Variants in SIPA1L1 observed in about 807,000 individuals in gnomAD.
SIPA1L1 encodes the protein signal induced proliferation associated 1 like 1, also known as signal-induced proliferation-associated 1-like protein 1.
In SIPA1L1, 26 loss-of-function variants were observed where a neutral mutation model predicts 162.7. The observed-to-expected ratio is 0.16, with a 90% CI of 0.12 to 0.22. SIPA1L1 has a LOEUF of 0.22. Among genes scored for constraint, SIPA1L1 ranks in the 10% least tolerant of loss-of-function variants. The pLI is 1.00. For missense variants in SIPA1L1, 1,874 were observed against 2,241.0 expected, an observed-to-expected ratio of 0.84 and a Z score of 3.31; for synonymous variants, 829 against 837.4, an observed-to-expected ratio of 0.99 and a Z score of 0.17.
Position 71,588,435 on chromosome 14 carries a change from T to G in SIPA1L1, c.563T>G (p.Phe188Cys), listed in dbSNP as rs778831668. 1 of 1,614,130 alleles carries G rather than the reference T, an allele frequency of 6.2e-7. No homozygotes were observed. Among genetic ancestry groups the G allele is most frequent in the East Asian group, 2.2e-5 (1 of 44,878 alleles). ...ITISELDVDS[F>C]DECISPTYKT... ...ATAAGTGAACTTGATGTGGATAGCT[T>G]TGATGAATGTATCTCACCTACATAC... Residue 188 changes from phenylalanine (F) to cysteine (C), a missense_variant, in exon 5 of 24, where the codon TTT (phenylalanine) becomes TGT (cysteine). Phe to Cys is a radical substitution (Grantham distance 205, BLOSUM62 -2). This residue lies in a region of SIPA1L1 where 685 missense variants were observed against 828.0 expected (regional missense o/e 0.83). Coordinates refer to ENST00000381232, the MANE Select transcript of SIPA1L1 (RefSeq NM_001386936.1). This position sits in a 1 kb window ranked among gnomAD's most constrained non-coding sequence, Gnocchi z 4.3.
chr14:71,410,910 C>T (rs957219513), intron 2 of SIPA1L1, among the ~76,000 whole-genome samples: 1 of 152,136 alleles, frequency 6.6e-6, no homozygotes, highest in Non-Finnish European at 1.5e-5. Context: ...TTCCTTCCCC[C>T]CTCCCTCCAT....
intron 17 of SIPA1L1, among the ~76,000 whole-genome samples, chr14:71,718,171 C>T (rs2083412857): frequency 6.6e-6 from 1 of 152,122 alleles, no homozygotes; most frequent in Non-Finnish European, 1.5e-5. Context: ...GATTGGGACA[C>T]AAGAAAGTAT....
chr14:71,469,992 G>A (rs1337449799), intron 2 of SIPA1L1, among the ~76,000 whole-genome samples: 4 of 152,154 alleles, frequency 2.6e-5, no homozygotes, highest in Non-Finnish European at 5.9e-5. Flanking sequence ...GCATTAGTTC[G>A]GGTTGGGGCT....
At chr14:71,683,612 C>A (rs915518393) in intron 12 of SIPA1L1, among the ~76,000 whole-genome samples, 1 of 152,044 alleles carries the variant, frequency 6.6e-6, no homozygotes, top group African/African-American at 2.4e-5. Flanking sequence ...CCTCTATGAA[C>A]AACCAAAAAA....
intron 2 of SIPA1L1, among the ~76,000 whole-genome samples, chr14:71,333,219 G>A (rs1291862405): frequency 1.3e-5 from 2 of 152,178 alleles, no homozygotes; most frequent in African/African-American, 4.8e-5. Flanking sequence ...TCTTCTAGGT[G>A]CTTGGTTCTG....
chr14:71,522,679 T>C (rs1468732048), intron 3 of SIPA1L1, among the ~76,000 whole-genome samples: 1 of 151,996 alleles, frequency 6.6e-6, no homozygotes, highest in Non-Finnish European at 1.5e-5. Flanking sequence ...TCATCTAAGC[T>C]TCTTAATTTC....
At chr14:71,362,585 A>G (rs1477635420) in intron 2 of SIPA1L1, among the ~76,000 whole-genome samples, 1 of 152,220 alleles carries the variant, frequency 6.6e-6, no homozygotes, top group Non-Finnish European at 1.5e-5. Context: ...ATTTACGGAA[A>G]TTTCATCTTT....
chr14:71,637,981 C>T (rs1408086702), intron 7 of SIPA1L1, among the ~76,000 whole-genome samples: 3 of 151,998 alleles, frequency 2.0e-5, no homozygotes, highest in Non-Finnish European at 4.4e-5. Flanking sequence ...AATGGGAGAA[C>T]TCCTCAGAAA....
At chr14:71,654,618 G>A (rs2042905500) in intron 8 of SIPA1L1, among the ~76,000 whole-genome samples, 2 of 152,164 alleles carry the variant, frequency 1.3e-5, no homozygotes, top group Admixed American at 1.3e-4. Context: ...TCTTAAAAGA[G>A]ATATAAGACT....
chr14:71,460,822 G>A (rs1394653568), intron 2 of SIPA1L1, among the ~76,000 whole-genome samples: 1 of 152,134 alleles, frequency 6.6e-6, no homozygotes, highest in Non-Finnish European at 1.5e-5. Flanking sequence ...CTGATTCAGA[G>A]CATACATGGC....
At chr14:71,610,036 C>G (rs543621438) in intron 5 of SIPA1L1, among the ~76,000 whole-genome samples, 2 of 152,156 alleles carry the variant, frequency 1.3e-5, no homozygotes, top group South Asian at 4.1e-4. Flanking sequence ...AAAGACCTGG[C>G]AGCAGCTCTG....
chr14:71,340,805 G>GGC (rs2035575743), intron 2 of SIPA1L1, among the ~76,000 whole-genome samples: 1 of 152,162 alleles, frequency 6.6e-6, no homozygotes, highest in Non-Finnish European at 1.5e-5. Flanking sequence ...CAGGCATGGT[G>GGC]GTGCATGCCT....
chr14:71,372,011 C>G (rs2038937111), intron 2 of SIPA1L1, among the ~76,000 whole-genome samples: 1 of 152,164 alleles, frequency 6.6e-6, no homozygotes. Flanking sequence ...CTGATGAACT[C>G]AGACTTATTT....
At chr14:71,350,742 A>G (rs2036620246) in intron 2 of SIPA1L1, among the ~76,000 whole-genome samples, 1 of 152,206 alleles carries the variant, frequency 6.6e-6, no homozygotes, top group Non-Finnish European at 1.5e-5. Context: ...ATTCTGTGCT[A>G]ATCTTGTTTT....
chr14:71,694,442 C>G (rs1369306546), intron 13 of SIPA1L1, among the ~76,000 whole-genome samples: 2 of 151,822 alleles, frequency 1.3e-5, no homozygotes, highest in African/African-American at 4.8e-5. Context: ...GAAGTAATGT[C>G]TCTGGATGGT....
At chr14:71,702,203 CA>C in intron 14 of SIPA1L1, 177 bp from the exon 15 acceptor site, 1 of 617,966 alleles carries the variant, frequency 1.6e-6, no homozygotes. Context: ...ATATTGACCA[CA>C]ACATACACAT....
chr14:71,739,131 A>G lies in SIPA1L1; in HGVS notation c.5322A>G (p.Glu1774=). The G allele has an allele frequency of 1.9e-6, 3 of 1,613,968 alleles. No homozygotes were observed. Among genetic ancestry groups the G allele is most frequent in the Non-Finnish European group, 2.5e-6 (3 of 1,179,890 alleles). ...CGGACAAGCTGAAGAAGTTCACAGA[A>G]TGGGTCTTCAACACCATAGACATGA... The part of the protein sequence containing the change: ...NASDKLKKFT[E]WVFNTIDMS Residue 1774 remains glutamate (E), a synonymous_variant, in exon 24 of 24, where the codon GAA becomes GAG. Transcript: ENST00000381232.
chr14:71,723,665 C>T lies in SIPA1L1; in HGVS notation c.4227C>T (p.His1409=). The change falls in exon 18 of 24, where the codon CAC becomes CAT. Residue 1409 remains histidine (H), a synonymous_variant. Transcript: ENST00000381232. ...TCCTCAGTACCATGAGCTCCCGACA[C>T]TCTGCCAGCCCAGTGGTTTTCACCA... is the stretch of plus-strand genomic sequence containing the variant. The part of the protein sequence containing the change: ...ASHTSTMSSR[H]SASPVVFTSA... 6.2e-7 allele frequency: 1 copy of T among 1,614,212 alleles called. No homozygotes were observed. The highest frequency in any genetic ancestry group is 8.5e-7 in the Non-Finnish European group (1 of 1,180,034).
At chr14:71,334,351 A>T (rs560886023) in intron 2 of SIPA1L1, among the ~76,000 whole-genome samples, 1 of 152,144 alleles carries the variant, frequency 6.6e-6, no homozygotes, top group African/African-American at 2.4e-5. Flanking sequence ...GCACTATTTA[A>T]CTCATAGGCC....
Sources: allele counts gnomAD v4.1 joint callset (sites outside exome capture counted in the v4.1 genomes callset), GRCh38; gene constraint gnomAD v4.1.1; regional missense constraint gnomAD v4.1.1; non-coding constraint Gnocchi (gnomAD v3.1); transcripts MANE v1.5; gene names NCBI Gene and HGNC (gene_info 2026-07-23, HGNC 2026-07-21).